The following GGT1 variants were observed in gnomAD, a reference collection of about 807,000 sequenced individuals.
GGT1 encodes glutathione hydrolase 1 proenzyme.
Under a neutral mutation model 56.0 loss-of-function variants are expected in GGT1, and 21 were observed. That is an observed-to-expected ratio of 0.38 (90% CI 0.27 to 0.54). The LOEUF (loss-of-function observed/expected upper bound fraction) is 0.54. GGT1 is among the 20% of genes least tolerant of loss of function. The probability of loss-of-function intolerance (pLI) is 0.82; values close to 1 mark genes in which losing one functional copy is unlikely to be tolerated. For synonymous variants in GGT1, 238 were observed against 342.6 expected (o/e 0.69, Z 3.37); for missense variants, 466 against 787.0 (o/e 0.59, Z 4.88).
the GGT1 span, among the ~76,000 whole-genome samples, chr22:24,587,054 C>G: frequency 1.3e-5 from 2 of 152,202 alleles, no homozygotes; most frequent in Non-Finnish European, 2.9e-5. Context: ...TCTTCCATGG[C>G]CACACACCAC....
intron 5 of GGT1, 103 bp downstream of exon 5, chr22:24,611,348 C>T (rs2046643250): frequency 6.6e-6 from 5 of 759,280 alleles, no homozygotes; most frequent in African/African-American, 3.4e-5. Flanking sequence ...GTGTAAGCTT[C>T]GCTTGGACTC....
the GGT1 span, chr22:24,588,210 T>G: frequency 2.5e-6 from 4 of 1,609,618 alleles, no homozygotes; most frequent in African/African-American, 4.0e-5. Context: ...TGGGCTACCC[T>G]TACCAGCTCT....
chr22:24,592,906 C>G (rs1489991307), upstream of GGT1: 1 of 1,278,610 alleles, frequency 7.8e-7, no homozygotes. Flanking sequence ...CTCCGGCCGC[C>G]GCTCGCGGAG....
Position 24,595,358 on chromosome 22 carries a change from C to T in GGT1, c.-324+472C>T, listed in dbSNP as rs139235874. On this transcript the variant is annotated intron_variant, in intron 1 of 6. Transcript: ENST00000411974. ...CAGCCCCCAGAGGCACAGCTCTCCC[C>T]TCAGGCATGGGGGCATGATTCCACC... 1.6e-3 allele frequency among the ~76,000 whole-genome samples: 246 copies of T among 152,322 alleles called. 2 individuals are homozygous for T. The highest frequency in any genetic ancestry group is 4.7e-3 in the African/African-American group (196 of 41,572).
At chr22:24,619,400 GAAAA>G (rs372709571) in intron 7 of GGT1, among the ~76,000 whole-genome samples, 1,292 of 96,408 alleles carry the variant, frequency 0.013, 21 homozygotes, top group African/African-American at 0.042. Flanking sequence ...CTCCATCTCA[GAAAA>G]AAAAAAAAAA....
intron 5 of GGT1, among the ~76,000 whole-genome samples, chr22:24,611,584 AT>A (rs1277667487): frequency 1.9e-4 from 27 of 139,462 alleles, no homozygotes; most frequent in Admixed American, 1.0e-3. Context: ...CTATCTATCT[AT>A]CTATCTATCT....
intron 9 of GGT1, among the ~76,000 whole-genome samples, chr22:24,622,437 G>A (rs1393900513): frequency 1.3e-5 from 2 of 152,152 alleles, no homozygotes; most frequent in South Asian, 2.1e-4. Context: ...GGTGGCGGGC[G>A]CCTGCAGTCC....
At chr22:24,618,391 A>G (rs937584583) in intron 7 of GGT1, among the ~76,000 whole-genome samples, 1 of 152,144 alleles carries the variant, frequency 6.6e-6, no homozygotes, top group African/African-American at 2.4e-5. Flanking sequence ...AGGAGTTTGA[A>G]ACCAGCCTGG....
intron 7 of GGT1, among the ~76,000 whole-genome samples, chr22:24,618,688 GA>G (rs1169761795): frequency 6.6e-6 from 1 of 152,214 alleles, no homozygotes; most frequent in Non-Finnish European, 1.5e-5. Flanking sequence ...GACCTTCCGG[GA>G]TGTATGTGCA....
intron 5 of GGT1, among the ~76,000 whole-genome samples, chr22:24,612,068 G>C (rs1241726769): frequency 1.3e-5 from 2 of 151,956 alleles, no homozygotes; most frequent in Non-Finnish European, 2.9e-5. Flanking sequence ...GCCTCTCAAA[G>C]TGCTGGGATT....
chr22:24,611,123 C>A lies in GGT1; in HGVS notation c.42C>A (p.Val14=). ...TGGTGCTGGGCCTGCTGGCCGTGGT[C>A]CTGGTGCTGGTCATTGTCGGCCTCT... ...KLVVLGLLAV[V]LVLVIVGLCL... Residue 14 remains valine (V), a synonymous_variant, in exon 5 of 16, where the codon GTC becomes GTA. Transcript: ENST00000400382. The A allele has an allele frequency of 6.2e-7, 1 of 1,602,206 alleles. No individual in the cohort carries two copies. Among genetic ancestry groups the A allele is most frequent in the Non-Finnish European group, 8.5e-7 (1 of 1,174,294 alleles).
chr22:24,586,751 G>A, the GGT1 span, among the ~76,000 whole-genome samples: 7 of 152,150 alleles, frequency 4.6e-5, no homozygotes, highest in African/African-American at 1.2e-4. Flanking sequence ...GGCTGGTCTC[G>A]AACTCCTGAC....
intron 1 of GGT1, chr22:24,607,546 A>G (rs1270503289): frequency 6.5e-6 from 1 of 154,578 alleles, no homozygotes; most frequent in Admixed American, 6.5e-5. Flanking sequence ...AACTTTAGTC[A>G]CGTGGTGACA....
upstream of GGT1, among the ~76,000 whole-genome samples, chr22:24,601,793 G>T (rs73152528): frequency 1.3e-5 from 2 of 152,334 alleles, no homozygotes; most frequent in South Asian, 2.1e-4. Context: ...GGGCTGTGTT[G>T]GCAGCTGCCC....
intron 7 of GGT1, among the ~76,000 whole-genome samples, chr22:24,617,669 A>G (rs1233306227): frequency 2.0e-5 from 3 of 151,970 alleles, no homozygotes; most frequent in African/African-American, 7.3e-5. Context: ...CTCAGGAAGC[A>G]GGTTGAGCAG....
At chr22:24,584,120 C>A in the GGT1 span, among the ~76,000 whole-genome samples, 1 of 152,216 alleles carries the variant, frequency 6.6e-6, no homozygotes, top group East Asian at 1.9e-4. Context: ...CTCTGGGGAG[C>A]CTGAACACCC....
the GGT1 span, chr22:24,589,032 C>A: frequency 9.8e-7 from 1 of 1,022,094 alleles, no homozygotes; most frequent in Non-Finnish European, 1.2e-6. Context: ...AGCTGCAAGC[C>A]CTGGCTGTTC....
intron 7 of GGT1, among the ~76,000 whole-genome samples, chr22:24,616,791 G>A (rs8139070): frequency 6.6e-6 from 1 of 151,588 alleles, no homozygotes; most frequent in South Asian, 2.1e-4. Flanking sequence ...GTGATCCCCC[G>A]GCCTCGGCCT....
chr22:24,589,375 G>A, the GGT1 span: 17 of 1,125,390 alleles, frequency 1.5e-5, no homozygotes, highest in Non-Finnish European at 1.9e-5. Flanking sequence ...CCGCAAGGGT[G>A]TCTGTACAGG....
Sources: allele counts gnomAD v4.1 joint callset (sites outside exome capture counted in the v4.1 genomes callset), GRCh38; gene constraint gnomAD v4.1.1; transcripts MANE v1.5; gene names NCBI Gene and HGNC (gene_info 2026-07-23, HGNC 2026-07-21).